Variants in ARHGAP12 observed in about 807,000 individuals in gnomAD.
The protein encoded by ARHGAP12 is rho GTPase-activating protein 12.
ARHGAP12 carries 64 observed loss-of-function variants against 108.6 expected under a neutral mutation model. That is an observed-to-expected ratio of 0.59 (90% CI 0.48 to 0.73). The LOEUF is 0.73. ARHGAP12 is among the 30% of genes least tolerant of loss of function. The probability of loss-of-function intolerance (pLI) is 0.00; values close to 1 mark genes in which losing one functional copy is unlikely to be tolerated. For missense variants in ARHGAP12, 940 were observed against 1,005.9 expected (o/e 0.93, Z 0.89); for synonymous variants, 312 against 337.2 (o/e 0.93, Z 0.82).
intron 9 of ARHGAP12, among the ~76,000 whole-genome samples, chr10:31,835,129 C>T (rs1485192266): frequency 3.4e-5 from 5 of 148,244 alleles, no homozygotes; most frequent in Non-Finnish European, 5.9e-5. Flanking sequence ...ATGTGGGAGG[C>T]GGAGGTTGCA....
chr10:31,821,847 G>A (rs1265553125), intron 11 of ARHGAP12, among the ~76,000 whole-genome samples: 2 of 152,064 alleles, frequency 1.3e-5, no homozygotes, highest in Admixed American at 6.6e-5. Context: ...ATTGTCAATC[G>A]AAAGACAAAT....
intron 3 of ARHGAP12, among the ~76,000 whole-genome samples, chr10:31,886,130 T>C (rs925412416): frequency 2.6e-5 from 4 of 152,218 alleles, no homozygotes; most frequent in South Asian, 2.1e-4. Context: ...CTAAAGATAT[T>C]CTATGCACAG....
At chr10:31,835,236 T>C (rs2013220) in intron 9 of ARHGAP12, among the ~76,000 whole-genome samples, 35,082 of 150,132 alleles carry the variant, frequency 0.23, 4,432 homozygotes, top group Non-Finnish European at 0.29. Context: ...TTTAAACAGA[T>C]TTTTATTTCA....
At chr10:31,888,727 G>GA (rs1838279935) in intron 3 of ARHGAP12, among the ~76,000 whole-genome samples, 3 of 151,532 alleles carry the variant, frequency 2.0e-5, no homozygotes, top group Admixed American at 2.0e-4. Flanking sequence ...GATGAAAGCA[G>GA]AAAAAAAGAG....
At chr10:31,865,955 C>T (rs1032037552) in intron 3 of ARHGAP12, among the ~76,000 whole-genome samples, 1 of 151,216 alleles carries the variant, frequency 6.6e-6, no homozygotes, top group Admixed American at 6.6e-5. Flanking sequence ...TGAAAGCATA[C>T]AGAGTAAGTG....
chr10:31,916,041 G>GT (rs1305072777), intron 1 of ARHGAP12, among the ~76,000 whole-genome samples: 1 of 152,118 alleles, frequency 6.6e-6, no homozygotes, highest in Non-Finnish European at 1.5e-5. Context: ...TGTTTATCCT[G>GT]TTTCTATAAA....
chr10:31,925,790 T>C (rs2132511675), intron 1 of ARHGAP12, among the ~76,000 whole-genome samples: 1 of 152,356 alleles, frequency 6.6e-6, no homozygotes, highest in Admixed American at 6.5e-5. Flanking sequence ...CAGCAGTCAC[T>C]AGTCAAATGT....
intron 1 of ARHGAP12, among the ~76,000 whole-genome samples, chr10:31,923,130 A>G (rs1421249153): frequency 1.4e-5 from 2 of 144,246 alleles, no homozygotes; most frequent in South Asian, 2.3e-4. Flanking sequence ...AGACCCTAAC[A>G]GGAAAAAAAA....
At chr10:31,918,377 C>T (rs1839653883) in intron 1 of ARHGAP12, among the ~76,000 whole-genome samples, 1 of 150,858 alleles carries the variant, frequency 6.6e-6, no homozygotes, top group Non-Finnish European at 1.5e-5. Context: ...GATACCACTT[C>T]ACACCCAACA....
In ARHGAP12 at chr10:31,861,419, A is replaced by G. The variant is rs1837108539; in HGVS notation, c.924T>C (p.Asp308=). The change falls in exon 4 of 20, where the codon GAT becomes GAC. Residue 308 remains aspartate (D), a synonymous_variant. Coordinates refer to ENST00000344936, the MANE Select transcript of ARHGAP12 (RefSeq NM_018287.7). The part of the protein sequence containing the change: ...WTRDASISKG[D]FQNPGDQELL... The stretch of plus-strand genomic sequence containing the variant: ...CCTCTTGATCCCCTGGATTTTGGAA[A>G]TCTCCTTTGCTGATGCTTGCATCCC... The G allele has an allele frequency of 6.2e-7, 1 of 1,612,866 alleles. No individual in the cohort carries two copies. The highest frequency in any genetic ancestry group is 2.2e-5 in the East Asian group (1 of 44,880).
intron 1 of ARHGAP12, among the ~76,000 whole-genome samples, chr10:31,922,402 ATTT>A (rs376445093): frequency 7.0e-6 from 1 of 142,380 alleles, no homozygotes. Flanking sequence ...AAGTAGACAA[ATTT>A]TTTTTTTTTT....
rs16932746 is a variant in ARHGAP12, at chr10:31,836,964, A to C, written c.1386+2341T>G. ...TAAAGGTAAAAAAAGATTGAAACAG[A>C]AGAAACATTGGCGAGGCAGTTCCCT... On this transcript the variant is annotated intron_variant, in intron 9 of 19. Coordinates refer to ENST00000344936, the MANE Select transcript of ARHGAP12 (RefSeq NM_018287.7). 7.1e-3 allele frequency among the ~76,000 whole-genome samples: 1,080 copies of C among 152,264 alleles called. 10 individuals carry two copies. The highest frequency in any genetic ancestry group is 0.025 in the African/African-American group (1,039 of 41,548).
chr10:31,905,862 C>T (rs1271428391), intron 3 of ARHGAP12, among the ~76,000 whole-genome samples: 6 of 151,278 alleles, frequency 4.0e-5, no homozygotes, highest in Non-Finnish European at 8.8e-5. Flanking sequence ...GAAATAACAA[C>T]AATAATAACA....
intron 4 of ARHGAP12, 148 bp from the exon 5 acceptor site, chr10:31,854,354 G>C (rs1360016995): frequency 4.0e-6 from 3 of 754,798 alleles, no homozygotes; most frequent in East Asian, 2.9e-5. Context: ...AAATTGATAA[G>C]TCTTTAAATG....
chr10:31,815,124 A>C (rs2132151936), intron 13 of ARHGAP12, among the ~76,000 whole-genome samples: 1 of 149,270 alleles, frequency 6.7e-6, no homozygotes, highest in East Asian at 1.9e-4. Flanking sequence ...CTGTCTCAAA[A>C]AAAAAAAAAA....
intron 3 of ARHGAP12, among the ~76,000 whole-genome samples, chr10:31,883,838 G>A (rs1838085183): frequency 6.6e-6 from 1 of 151,270 alleles, no homozygotes; most frequent in Non-Finnish European, 1.5e-5. Context: ...CAGCTTCCCA[G>A]GTAGATGGAA....
chr10:31,845,096 AACATGTTCTTAGTT>A (rs1431188220), intron 6 of ARHGAP12, among the ~76,000 whole-genome samples: 1 of 152,158 alleles, frequency 6.6e-6, no homozygotes, highest in East Asian at 1.9e-4. Flanking sequence ...ACCTTTAATA[AACATGTTCTTAGTT>A]ACAACTCTTG....
chr10:31,885,007 A>C (rs1318488963), intron 3 of ARHGAP12, among the ~76,000 whole-genome samples: 4 of 151,972 alleles, frequency 2.6e-5, no homozygotes. Flanking sequence ...AGTACATGAG[A>C]TGTTTTGATA....
intron 10 of ARHGAP12, among the ~76,000 whole-genome samples, chr10:31,828,406 G>C (rs181060869): frequency 3.1e-4 from 47 of 151,620 alleles, no homozygotes; most frequent in Non-Finnish European, 4.6e-4. Flanking sequence ...TCATTTTCTG[G>C]ATCTGAAGAT....
Sources: allele counts gnomAD v4.1 joint callset (sites outside exome capture counted in the v4.1 genomes callset), GRCh38; gene constraint gnomAD v4.1.1; transcripts MANE v1.5; gene names NCBI Gene and HGNC (gene_info 2026-07-23, HGNC 2026-07-21).